UBQLN1: variants seen among roughly 807,000 people sequenced by gnomAD.
UBQLN1 encodes the protein ubiquilin-1.
In UBQLN1, 13 loss-of-function variants were observed where a neutral mutation model predicts 65.4. The ratio of observed to expected loss-of-function variants is 0.20; its 90% confidence interval spans 0.13 to 0.32. The LOEUF (loss-of-function observed/expected upper bound fraction) is 0.32. UBQLN1 is among the 10% of genes least tolerant of loss of function. UBQLN1 has a pLI of 1.00. For missense variants in UBQLN1, 561 were observed against 724.0 expected (o/e 0.77, Z 2.58); for synonymous variants, 267 against 247.8 (o/e 1.08, Z -0.73).
chr9:83,673,430 AG>A (rs1191333203), intron 6 of UBQLN1, among the ~76,000 whole-genome samples: 21 of 151,340 alleles, frequency 1.4e-4, no homozygotes, highest in South Asian at 6.3e-4. Flanking sequence ...CTATAATCCC[AG>A]CTACTCAGGA....
At chr9:83,680,126 T>A in intron 3 of UBQLN1, 89 bp from the exon 4 acceptor site, 1 of 1,324,766 alleles carries the variant, frequency 7.5e-7, no homozygotes, top group Non-Finnish European at 1.0e-6. Context: ...AAAAAAGTAT[T>A]AGCTGACCCA....
Position 83,697,551 on chromosome 9 carries a change from C to CAAAAAAAA in UBQLN1, c.180+9941_180+9948dup, listed in dbSNP as rs750268209. ...GGGGCAACAGTGCAAGACACTGTCT[C>CAAAAAAAA]AAAAAAAAAAAAAAAAAAAAAAAAA... On this transcript the variant is annotated intron_variant, in intron 1 of 10. Transcript: ENST00000376395. Among the ~76,000 whole-genome samples the CAAAAAAAA allele has an allele frequency of 2.6e-3, 88 of 34,472 alleles. 10 individuals are homozygous for CAAAAAAAA. The highest frequency in any genetic ancestry group is 9.2e-3 in the African/African-American group (83 of 9,032). 22.6% of individuals were successfully genotyped at this position (34,472 alleles called of 152,430 possible).
At chr9:83,697,715 G>T (rs532813622) in intron 1 of UBQLN1, among the ~76,000 whole-genome samples, 124 of 145,084 alleles carry the variant, frequency 8.5e-4, no homozygotes, top group African/African-American at 3.0e-3. Flanking sequence ...ACCACCACAC[G>T]CGGCTATTTT....
intron 1 of UBQLN1, 125 bp downstream of exon 1, chr9:83,707,375 G>T: frequency 9.2e-7 from 1 of 1,092,638 alleles, no homozygotes; most frequent in Non-Finnish European, 1.3e-6. Context: ...ATCTAATTTG[G>T]GACGACGCCC....
intron 9 of UBQLN1, 100 bp downstream of exon 9, chr9:83,664,930 A>C: frequency 1.4e-6 from 1 of 717,580 alleles, no homozygotes; most frequent in Non-Finnish European, 2.0e-6. Flanking sequence ...CACCAAAAAA[A>C]AAAAAAAAAA....
intron 1 of UBQLN1, among the ~76,000 whole-genome samples, chr9:83,690,749 A>T (rs1426726125): frequency 6.6e-6 from 1 of 150,724 alleles, no homozygotes; most frequent in African/African-American, 2.4e-5. Flanking sequence ...CTGTCTCAAA[A>T]AAAAAAACAA....
At chr9:83,662,164 C>T (rs1257866097) in intron 10 of UBQLN1, among the ~76,000 whole-genome samples, 2 of 151,994 alleles carry the variant, frequency 1.3e-5, no homozygotes, top group African/African-American at 4.8e-5. Context: ...TAGATCACGA[C>T]TCTACTTTAG....
rs762196173 is a variant in UBQLN1 at position 83,666,371 on chromosome 9, C to T, written c.1311G>A (p.Gln437=). 4 of 1,613,870 alleles carry T rather than the reference C, an allele frequency of 2.5e-6. No individual in the cohort carries two copies. Among genetic ancestry groups the T allele is most frequent in the Middle Eastern group, 1.7e-4 (1 of 6,060 alleles). The change falls in exon 8 of 11, where the codon CAG becomes CAA. Residue 437 remains glutamine (Q), a synonymous_variant. Coordinates refer to ENST00000376395, the MANE Select transcript of UBQLN1 (RefSeq NM_013438.5). ...TCACTTGTTGGAGGAAAGTTGGGAG[C>T]TGTTGTCTCATTTGTTCTTGAAGCT... ...NPQLQEQMRQ[Q]LPTFLQQMQN... is the part of the protein sequence containing the mutation.
intron 1 of UBQLN1, among the ~76,000 whole-genome samples, chr9:83,703,319 T>C (rs543185100): frequency 2.0e-5 from 3 of 152,266 alleles, no homozygotes; most frequent in African/African-American, 7.2e-5. Context: ...ACATCACATG[T>C]GGAAAAATCC....
At chr9:83,682,218 G>A (rs1021638883) in intron 3 of UBQLN1, among the ~76,000 whole-genome samples, 19 of 152,260 alleles carry the variant, frequency 1.2e-4, no homozygotes, top group Admixed American at 1.2e-3. Context: ...CCAGGAGGCA[G>A]AGGTTGCGGT....
At position 83,669,261 on chromosome 9, in the gene UBQLN1, A is replaced by G. The variant is rs763199553; in HGVS notation, c.1172T>C (p.Met391Thr). ...LQQITENPQL[M>T]QNMLSAPYMR... Reference sequence around the variant, plus strand: ...GTAGGGGGCAGACAACATGTTTTGCATCAGTTGTGGGTTTTCAGTTATTTG... The same window carrying G: ...GTAGGGGGCAGACAACATGTTTTGCGTCAGTTGTGGGTTTTCAGTTATTTG... The change falls in exon 7 of 11, where the codon ATG becomes ACG. Residue 391 changes from methionine to threonine, a missense_variant. Met to Thr is a moderately conservative substitution (Grantham distance 81, BLOSUM62 -1). Coordinates refer to ENST00000376395, the MANE Select transcript of UBQLN1 (RefSeq NM_013438.5). 3 of 1,613,134 alleles carry G rather than the reference A, an allele frequency of 1.9e-6. No individual in the cohort carries two copies. Among genetic ancestry groups the G allele is most frequent in the East Asian group, 4.5e-5 (2 of 44,806 alleles).
chr9:83,678,211 C>A (rs930490562), intron 5 of UBQLN1, among the ~76,000 whole-genome samples: 1 of 152,036 alleles, frequency 6.6e-6, no homozygotes, highest in East Asian at 1.9e-4. Flanking sequence ...TTAGTAGAGA[C>A]GGGATTTCAC....
chr9:83,675,796 G>C (rs1353757885), intron 6 of UBQLN1, among the ~76,000 whole-genome samples: 3 of 152,282 alleles, frequency 2.0e-5, no homozygotes, highest in Admixed American at 2.0e-4. Flanking sequence ...CTACATATCA[G>C]TATTAACAGA....
intron 1 of UBQLN1, among the ~76,000 whole-genome samples, chr9:83,692,657 A>G (rs1812128299): frequency 6.6e-6 from 1 of 152,188 alleles, no homozygotes; most frequent in South Asian, 2.1e-4. Context: ...GTTTGAGACC[A>G]GCCTGACCAA....
chr9:83,694,148 G>A (rs1299993880), intron 1 of UBQLN1, among the ~76,000 whole-genome samples: 1 of 152,082 alleles, frequency 6.6e-6, no homozygotes, highest in African/African-American at 2.4e-5. Flanking sequence ...TTAAACATCC[G>A]GGGAGTTGGG....
intron 1 of UBQLN1, among the ~76,000 whole-genome samples, chr9:83,690,578 T>C (rs1211123960): frequency 6.6e-6 from 1 of 152,162 alleles, no homozygotes; most frequent in East Asian, 1.9e-4. Flanking sequence ...ACTTTTAAGC[T>C]GCAGCAGGGG....
chr9:83,673,546 TAAAAAAAAA>T (rs762494390), intron 6 of UBQLN1, among the ~76,000 whole-genome samples: 5 of 75,570 alleles, frequency 6.6e-5, no homozygotes, highest in Admixed American at 1.9e-4. Flanking sequence ...CTCGGTCTTT[TAAAAAAAAA>T]AAAAAAAAAA....
At chr9:83,676,132 T>C (rs2131155696) in intron 6 of UBQLN1, among the ~76,000 whole-genome samples, 1 of 152,200 alleles carries the variant, frequency 6.6e-6, no homozygotes, top group East Asian at 1.9e-4. Context: ...AAGAATTTCA[T>C]CTTTACATGT....
At chr9:83,702,862 T>C (rs897793625) in intron 1 of UBQLN1, among the ~76,000 whole-genome samples, 2 of 152,200 alleles carry the variant, frequency 1.3e-5, no homozygotes, top group African/African-American at 4.8e-5. Flanking sequence ...TCAATACGTT[T>C]AAATTATGTC....
Sources: gnomAD v4.1 joint callset for allele counts (sites outside exome capture counted in the v4.1 genomes callset) on GRCh38, gnomAD v4.1.1 for gene constraint, MANE v1.5 for transcripts, NCBI Gene and HGNC (gene_info 2026-07-23, HGNC 2026-07-21) for gene names.